SCOC: variants seen among roughly 807,000 people sequenced by gnomAD.
SCOC encodes short coiled-coil protein, also known as short coiled coil protein.
In SCOC, 7 loss-of-function variants were observed where a neutral mutation model predicts 9.9. The observed-to-expected ratio is 0.71, with a 90% CI of 0.40 to 1.33. The LOEUF is 1.33. SCOC is among the 40% of genes most tolerant of loss of function. The pLI, the probability that SCOC is intolerant of heterozygous loss-of-function variation, is 0.01. For synonymous variants in SCOC, 19 were observed against 28.2 expected (o/e 0.67, Z 1.03); for missense variants, 66 against 89.7 (o/e 0.74, Z 1.07).
intron 1 of SCOC, among the ~76,000 whole-genome samples, chr4:140,332,094 G>C (rs923707533): frequency 1.9e-4 from 29 of 152,048 alleles, no homozygotes; most frequent in Non-Finnish European, 3.8e-4. Context: ...AGCACTAGTG[G>C]GATGGTGCTA....
Position 140,367,543 on chromosome 4 carries a change from C to T in SCOC, c.71-11578C>T, listed in dbSNP as rs533981992. Among the ~76,000 whole-genome samples the T allele has an allele frequency of 1.5e-4, 23 of 151,986 alleles. 1 individual carries two copies. In the South Asian group the frequency reaches 4.8e-3, roughly 32 times the overall value. ...TACAGGTGTGTGCTGCCATGCCTGG[C>T]TAATTTTTGTATTTTTAGTAGAGAC... On this transcript the variant is annotated intron_variant, in intron 2 of 4. Transcript: ENST00000338517.
At chr4:140,331,187 A>T (rs1458602696) in intron 1 of SCOC, among the ~76,000 whole-genome samples, 1 of 152,204 alleles carries the variant, frequency 6.6e-6, no homozygotes, top group Non-Finnish European at 1.5e-5. Flanking sequence ...AATCTAATAT[A>T]AAATGCATTT....
intron 1 of SCOC, among the ~76,000 whole-genome samples, chr4:140,335,618 C>T (rs578070312): frequency 3.3e-4 from 50 of 152,200 alleles, no homozygotes; most frequent in African/African-American, 1.1e-3. Context: ...AGTTTCTCTC[C>T]GGGAATCTCC....
At chr4:140,334,893 G>A (rs1054138781) in intron 1 of SCOC, among the ~76,000 whole-genome samples, 1 of 152,046 alleles carries the variant, frequency 6.6e-6, no homozygotes, top group Non-Finnish European at 1.5e-5. Context: ...CTTGAGCCCA[G>A]GAGTTCAAGA....
chr4:140,283,749 G>A (rs970256151), intron 1 of SCOC: 1 of 152,176 alleles, frequency 6.6e-6, no homozygotes, highest in Admixed American at 6.5e-5. Context: ...TTTAATCAAA[G>A]TAAGGTACCA....
intron 1 of SCOC, among the ~76,000 whole-genome samples, chr4:140,275,663 T>TA: frequency 6.6e-6 from 1 of 152,290 alleles, no homozygotes; most frequent in East Asian, 1.9e-4. Context: ...ATACCCTTTT[T>TA]ATCTTTCACA....
chr4:140,341,044 C>T (rs1726496605), upstream of SCOC, among the ~76,000 whole-genome samples: 1 of 151,908 alleles, frequency 6.6e-6, no homozygotes, highest in Non-Finnish European at 1.5e-5. Flanking sequence ...GATCCACCCG[C>T]CTCGGCCTCC....
At chr4:140,347,703 A>AT (rs1726797853) in intron 2 of SCOC, among the ~76,000 whole-genome samples, 1 of 152,188 alleles carries the variant, frequency 6.6e-6, no homozygotes, top group Admixed American at 6.5e-5. Flanking sequence ...GGGCCAGGCA[A>AT]TGTGTATGTG....
chr4:140,339,511 G>A (rs1413218551), upstream of SCOC, among the ~76,000 whole-genome samples: 1 of 152,160 alleles, frequency 6.6e-6, no homozygotes, highest in African/African-American at 2.4e-5. Flanking sequence ...GAGTGAACAG[G>A]CAACCTACGG....
At chr4:140,314,611 A>T (rs1732256192) in intron 1 of SCOC, 1 of 152,234 alleles carries the variant, frequency 6.6e-6, no homozygotes. Flanking sequence ...TGCTTTCATG[A>T]GTAAGAATTC....
chr4:140,379,245 CT>C, intron 2 of SCOC, 53 bp downstream of exon 2: 1 of 1,202,852 alleles, frequency 8.3e-7, no homozygotes, highest in South Asian at 1.2e-5. Flanking sequence ...GATGCTTTTG[CT>C]TTATTAAGCA....
chr4:140,379,779 T>C (rs1032952777), intron 3 of SCOC, 127 bp downstream of exon 3: 9 of 620,902 alleles, frequency 1.4e-5, no homozygotes, highest in East Asian at 5.7e-5. Context: ...AGTACACACA[T>C]ATATATATCT....
rs145955181 is a variant in SCOC, at chr4:140,317,177, C to T, written c.-18-26444C>T. On this transcript the variant is annotated intron_variant, in intron 1 of 4. Coordinates refer to the SCOC transcript ENST00000394205. Reference sequence around the variant, plus strand: ...AAGATGGCTTAGGGGTGTTGTTTGCCTAGATACTGCATGCAGCTCTTTCTC... The same window carrying T: ...AAGATGGCTTAGGGGTGTTGTTTGCTTAGATACTGCATGCAGCTCTTTCTC... Among the ~76,000 whole-genome samples the T allele has an allele frequency of 2.6e-3, 402 of 152,210 alleles. 4 individuals carry two copies. The highest frequency in any genetic ancestry group is 8.0e-3 in the African/African-American group (331 of 41,548).
chr4:140,339,464 C>A (rs1302282473), upstream of SCOC, among the ~76,000 whole-genome samples: 4 of 152,130 alleles, frequency 2.6e-5, no homozygotes, highest in Non-Finnish European at 5.9e-5. Context: ...TCTAATTAAA[C>A]TAAAGAGCTT....
intron 1 of SCOC, among the ~76,000 whole-genome samples, chr4:140,309,471 C>T (rs1732088084): frequency 6.6e-6 from 1 of 152,170 alleles, no homozygotes; most frequent in Non-Finnish European, 1.5e-5. Flanking sequence ...ATAGCCTTGT[C>T]ACCACTCTGT....
In SCOC at chr4:140,381,217, A is replaced by T; in HGVS notation, c.*113A>T. The T allele has an allele frequency of 1.0e-6, 1 of 1,004,026 alleles. No individual in the cohort carries two copies. The highest frequency in any genetic ancestry group is 1.4e-6 in the Non-Finnish European group (1 of 699,682). The allele number at this position is 1,004,026 out of a possible 1,614,324, so 62.2% of individuals were successfully genotyped here. The stretch of plus-strand genomic sequence containing the variant: ...GTGGCTTCATTGAATATTTATGAAG[A>T]TAATGTCAGATGTAGACAAAAATAA... On this transcript the variant is annotated 3_prime_UTR_variant, in exon 4 of 4. Coordinates refer to ENST00000608372, the MANE Select transcript of SCOC (RefSeq NM_001153484.2).
intron 1 of SCOC, among the ~76,000 whole-genome samples, chr4:140,289,571 G>T (rs113094855): frequency 6.6e-6 from 1 of 152,172 alleles, no homozygotes; most frequent in East Asian, 1.9e-4. Flanking sequence ...GGGCAAATTC[G>T]TTTTGAGATT....
intron 1 of SCOC, among the ~76,000 whole-genome samples, chr4:140,315,649 C>T (rs947750566): frequency 2.0e-5 from 3 of 152,228 alleles, no homozygotes; most frequent in Non-Finnish European, 4.4e-5. Flanking sequence ...CCTCCTGTGA[C>T]CCCTGCACTG....
At chr4:140,304,091 G>C (rs1251153877) in intron 1 of SCOC, among the ~76,000 whole-genome samples, 1 of 152,118 alleles carries the variant, frequency 6.6e-6, no homozygotes, top group Non-Finnish European at 1.5e-5. Flanking sequence ...GAAGTGAAGA[G>C]TGGTGCTTAG....
Sources: gnomAD v4.1 joint callset for allele counts (sites outside exome capture counted in the v4.1 genomes callset) on GRCh38, gnomAD v4.1.1 for gene constraint, MANE v1.5 for transcripts, NCBI Gene and HGNC (gene_info 2026-07-23, HGNC 2026-07-21) for gene names.